ACTR10: variants seen among roughly 807,000 people sequenced by gnomAD.
The protein encoded by ACTR10 is actin related protein 10.
In ACTR10, 43 loss-of-function variants were observed where a neutral mutation model predicts 56.2. That is an observed-to-expected ratio of 0.77 (90% CI 0.60 to 0.99). The LOEUF (loss-of-function observed/expected upper bound fraction) is 0.99. ACTR10 is among the 50% of genes least tolerant of loss of function. ACTR10 has a pLI of 0.00. For missense variants in ACTR10, 466 were observed against 507.8 expected, an observed-to-expected ratio of 0.92 and a Z score of 0.79; for synonymous variants, 170 against 176.3, an observed-to-expected ratio of 0.96 and a Z score of 0.28.
intron 8 of ACTR10, 183 bp from the exon 9 acceptor site, chr14:58,223,439 A>G: frequency 1.6e-6 from 1 of 612,314 alleles, no homozygotes; most frequent in Non-Finnish European, 2.8e-6. Context: ...CACCTGGCCA[A>G]AACAGGTTTT....
chr14:58,212,296 A>G (rs921382559), intron 5 of ACTR10, among the ~76,000 whole-genome samples: 1 of 152,218 alleles, frequency 6.6e-6, no homozygotes, highest in Admixed American at 6.5e-5. Context: ...GCAAGAACTT[A>G]CTAATAATTC....
intron 2 of ACTR10, 145 bp downstream of exon 2, chr14:58,203,072 C>T (rs999789625): frequency 4.6e-5 from 23 of 503,724 alleles, no homozygotes; most frequent in East Asian, 3.4e-5. Context: ...GTGGCTGAGG[C>T]GGGTGGATCA....
intron 2 of ACTR10, 139 bp from the exon 3 acceptor site, chr14:58,207,797 T>C (rs2140044749): frequency 2.3e-6 from 1 of 426,618 alleles, no homozygotes; most frequent in Admixed American, 4.9e-5. Flanking sequence ...GAGATTACTC[T>C]GTATTTAATT....
intron 8 of ACTR10, among the ~76,000 whole-genome samples, chr14:58,222,010 A>G (rs1218134875): frequency 6.6e-6 from 1 of 152,216 alleles, no homozygotes; most frequent in African/African-American, 2.4e-5. Context: ...AAGTAGCTTT[A>G]GTGCCTAGCT....
At position 58,235,300 on chromosome 14, in the gene ACTR10, T is replaced by G. The variant is rs147239620; in HGVS notation, c.*749T>G. ...AAATATTTATTTTGGTACTTGGGTG[T>G]CCATATTATAATAATGTTGTTTTTC... On this transcript the variant is annotated 3_prime_UTR_variant, in exon 13 of 13. Coordinates refer to ENST00000254286, the MANE Select transcript of ACTR10 (RefSeq NM_018477.3). 4 of 152,348 alleles carry G rather than the reference T, an allele frequency of 2.6e-5. No homozygotes were observed. In the East Asian group the frequency reaches 7.7e-4, roughly 29 times the overall value. 9.4% of individuals were successfully genotyped at this position (152,348 alleles called of 1,614,324 possible). A position where few individuals can be genotyped will look rare whatever the true frequency, so the allele number is the denominator to read the frequency against.
chr14:58,207,197 C>G (rs576798840), intron 2 of ACTR10: 1 of 157,408 alleles, frequency 6.4e-6, no homozygotes, highest in Non-Finnish European at 1.4e-5. Flanking sequence ...CACGCCACCA[C>G]GCCTAGCTAA....
At chr14:58,218,820 AATTATTATTATT>A (rs965364373) in intron 7 of ACTR10, among the ~76,000 whole-genome samples, 1 of 152,018 alleles carries the variant, frequency 6.6e-6, no homozygotes, top group Non-Finnish European at 1.5e-5. Flanking sequence ...ATGGGTTAAA[AATTATTATTATT>A]ATTATTTTTT....
At chr14:58,212,452 G>C (rs1165029279) in intron 5 of ACTR10, among the ~76,000 whole-genome samples, 2 of 148,124 alleles carry the variant, frequency 1.4e-5, no homozygotes, top group Non-Finnish European at 3.0e-5. Flanking sequence ...ATGCATGAAT[G>C]TAAGACTTGC....
chr14:58,227,837 G>T (rs1889438059), intron 10 of ACTR10, among the ~76,000 whole-genome samples: 1 of 152,222 alleles, frequency 6.6e-6, no homozygotes, highest in South Asian at 2.1e-4. Flanking sequence ...GTTTATACCT[G>T]TATATGTATA....
At chr14:58,219,895 T>C (rs934537317) in intron 8 of ACTR10, among the ~76,000 whole-genome samples, 166 bp downstream of exon 8, 2 of 152,158 alleles carry the variant, frequency 1.3e-5, no homozygotes, top group African/African-American at 4.8e-5. Context: ...CACTTTTTTT[T>C]CACACTTAGG....
At chr14:58,202,330 C>T (rs954332270) in intron 1 of ACTR10, among the ~76,000 whole-genome samples, 8 of 151,940 alleles carry the variant, frequency 5.3e-5, no homozygotes, top group African/African-American at 1.9e-4. Flanking sequence ...GCCTGTAATA[C>T]CAGCACTTTG....
intron 2 of ACTR10, among the ~76,000 whole-genome samples, chr14:58,204,703 C>G (rs1054528098): frequency 1.3e-5 from 2 of 152,202 alleles, no homozygotes; most frequent in African/African-American, 2.4e-5. Context: ...TGGATCCACT[C>G]TGAGGCACGA....
chr14:58,232,591 T>G (rs1041568832), intron 12 of ACTR10, among the ~76,000 whole-genome samples: 1 of 151,708 alleles, frequency 6.6e-6, no homozygotes, highest in Non-Finnish European at 1.5e-5. Context: ...AATTTTTGTA[T>G]TTTTAGTAGA....
intron 5 of ACTR10, among the ~76,000 whole-genome samples, chr14:58,212,625 C>T (rs1003941934): frequency 1.3e-5 from 2 of 152,090 alleles, no homozygotes; most frequent in African/African-American, 4.8e-5. Context: ...TTATTATTCT[C>T]CTTATATAAA....
rs1474985087 is a variant in ACTR10 at position 58,223,828 on chromosome 14, A to C, written c.760A>C (p.Lys254Gln). Residue 254 changes from lysine to glutamine, a missense_variant, in exon 10 of 13, where the codon AAG (lysine) becomes CAG (glutamine). By Grantham distance (53) the Lys-to-Gln change is moderately conservative. Coordinates refer to ENST00000254286, the MANE Select transcript of ACTR10 (RefSeq NM_018477.3). ...TGTTGACTATCCATTAGATGGAGAG[A>C]AGATTTTACATATCCTTGGATCAAT... is the stretch of plus-strand genomic sequence containing the variant. ...PNVDYPLDGE[K>Q]ILHILGSIRD... The C allele has an allele frequency of 6.2e-7, 1 of 1,612,872 alleles. No individual in the cohort carries two copies. Among genetic ancestry groups the C allele is most frequent in the Non-Finnish European group, 8.5e-7 (1 of 1,179,118 alleles).
At chr14:58,224,007 C>CTT in intron 10 of ACTR10, 151 bp downstream of exon 10, 139 of 563,464 alleles carry the variant, frequency 2.5e-4, no homozygotes, top group Middle Eastern at 5.2e-4. Flanking sequence ...TTTTATTCAG[C>CTT]TTTTTTTTTT....
At chr14:58,232,800 T>C (rs183849466) in intron 12 of ACTR10, among the ~76,000 whole-genome samples, 195 of 152,236 alleles carry the variant, frequency 1.3e-3, no homozygotes, top group Non-Finnish European at 2.2e-3. Flanking sequence ...AACGTTCTCA[T>C]TTAGTTAAAG....
Position 58,213,632 on chromosome 14 carries a change from T to C in ACTR10, c.452T>C (p.Ile151Thr), listed in dbSNP as rs771109078. 2 of 1,608,188 alleles carry C rather than the reference T, an allele frequency of 1.2e-6. No homozygotes were observed. The highest frequency in any genetic ancestry group is 2.2e-5 in the East Asian group (1 of 44,786). ...CGYRESLVLPIYEGIPVLNCW... is the reference protein window; with the variant it reads ...CGYRESLVLPTYEGIPVLNCW... ...GTAGTATCCTTGACTACTCTATAGA[T>C]ATATGAAGGAATCCCAGTTCTAAAT... The change falls in exon 6 of 13, where the codon ATA (isoleucine) becomes ACA (threonine). Residue 151 changes from isoleucine (I) to threonine (T), a missense_variant and splice_region_variant. Coordinates refer to ENST00000254286, the MANE Select transcript of ACTR10 (RefSeq NM_018477.3).
At chr14:58,221,685 G>A (rs879642285) in intron 8 of ACTR10, among the ~76,000 whole-genome samples, 2 of 152,190 alleles carry the variant, frequency 1.3e-5, no homozygotes, top group Non-Finnish European at 2.9e-5. Context: ...AGGTTGCAGT[G>A]AGCCAAGATC....
Sources: gnomAD v4.1 joint callset for allele counts (sites outside exome capture counted in the v4.1 genomes callset) on GRCh38, gnomAD v4.1.1 for gene constraint, MANE v1.5 for transcripts, NCBI Gene and HGNC (gene_info 2026-07-23, HGNC 2026-07-21) for gene names.